DRGX: variants seen among roughly 807,000 people sequenced by gnomAD.
DRGX encodes dorsal root ganglia homeobox, also known as dorsal root ganglia homeobox protein.
DRGX carries 21 observed loss-of-function variants against 28.6 expected under a neutral mutation model. The observed-to-expected ratio is 0.73, with a 90% CI of 0.52 to 1.06. The LOEUF (loss-of-function observed/expected upper bound fraction) is 1.06, where lower values mean the gene tolerates loss of function less well. Ranked by LOEUF, DRGX falls within the 50% of genes least tolerant of loss-of-function variation. The probability of loss-of-function intolerance (pLI) is 0.00; values close to 1 mark genes in which losing one functional copy is unlikely to be tolerated. For missense variants in DRGX, 354 were observed against 343.9 expected, an observed-to-expected ratio of 1.03 and a Z score of -0.23; for synonymous variants, 136 against 139.1, an observed-to-expected ratio of 0.98 and a Z score of 0.16.
At chr10:49,390,906 G>A (rs971222470) in intron 3 of DRGX, among the ~76,000 whole-genome samples, 1 of 152,222 alleles carries the variant, frequency 6.6e-6, no homozygotes, top group Non-Finnish European at 1.5e-5. Context: ...TGACATGGAA[G>A]TGTTCCCCAA....
At chr10:49,395,365 G>T in intron 2 of DRGX, 42 bp downstream of exon 2, 2 of 1,548,670 alleles carry the variant, frequency 1.3e-6, no homozygotes, top group South Asian at 1.2e-5. Context: ...TTTCTGGCCG[G>T]CTCTGGCTTC....
intron 2 of DRGX, 45 bp downstream of exon 2, chr10:49,395,362 C>A (rs867275924): frequency 6.5e-7 from 1 of 1,547,758 alleles, no homozygotes; most frequent in South Asian, 1.2e-5. Context: ...CCCTTTCTGG[C>A]CGGCTCTGGC....
Position 49,365,996 on chromosome 10 carries a change from T to TCCATGCAGAGGCCCTGGGG in DRGX, c.*101_*119dup, listed in dbSNP as rs1183119911. 1.6e-6 allele frequency: 2 copies of TCCATGCAGAGGCCCTGGGG among 1,275,350 alleles called. No individual in the cohort carries two copies. The highest frequency in any genetic ancestry group is 2.1e-6 in the Non-Finnish European group (2 of 963,220). 79.0% of individuals were successfully genotyped at this position (1,275,350 alleles called of 1,614,324 possible). On this transcript the variant is annotated 3_prime_UTR_variant, in exon 7 of 7. Transcript: ENST00000374139. ...GTGGGTCTCACTTGCCCGTCCTGGGTCCATGCAGAGGCCCTGGGGCCGCAG... is the reference window on the plus strand; with the variant it reads ...GTGGGTCTCACTTGCCCGTCCTGGGTCCATGCAGAGGCCCTGGGGCCATGCAGAGGCCCTGGGGCCGCAG...
intron 6 of DRGX, among the ~76,000 whole-genome samples, chr10:49,379,288 A>T (rs1052779557): frequency 1.3e-5 from 2 of 152,218 alleles, no homozygotes; most frequent in Admixed American, 1.3e-4. Context: ...AACGAGGCAC[A>T]TGGAGTTAGG....
intron 6 of DRGX, among the ~76,000 whole-genome samples, chr10:49,373,753 C>A (rs529847641): frequency 1.3e-5 from 2 of 152,104 alleles, no homozygotes. Context: ...CCCGGGTTTA[C>A]GGTATTTAGT....
intron 6 of DRGX, among the ~76,000 whole-genome samples, chr10:49,367,189 C>T (rs1359794544): frequency 6.6e-6 from 1 of 151,942 alleles, no homozygotes. Flanking sequence ...GACCCTATCG[C>T]TACAAAATAA....
At chr10:49,379,177 T>C (rs1033700080) in intron 6 of DRGX, among the ~76,000 whole-genome samples, 3 of 152,192 alleles carry the variant, frequency 2.0e-5, no homozygotes, top group African/African-American at 7.2e-5. Flanking sequence ...GGAAACTAAC[T>C]GGTACAGTGT....
intron 2 of DRGX, among the ~76,000 whole-genome samples, chr10:49,393,584 A>G (rs1014165245): frequency 3.9e-5 from 6 of 152,218 alleles, no homozygotes; most frequent in Admixed American, 1.3e-4. Flanking sequence ...ACAAAAAATT[A>G]AAATAAAAAA....
intron 6 of DRGX, among the ~76,000 whole-genome samples, chr10:49,380,480 C>G (rs192697445): frequency 4.7e-4 from 71 of 152,304 alleles, no homozygotes; most frequent in Non-Finnish European, 8.1e-4. Context: ...TGTATTGGGA[C>G]AGATTTTTCT....
chr10:49,378,897 T>C (rs1849744246), intron 6 of DRGX, among the ~76,000 whole-genome samples: 1 of 152,204 alleles, frequency 6.6e-6, no homozygotes, highest in Admixed American at 6.5e-5. Flanking sequence ...ATATGCTGTA[T>C]ATCTACTATA....
chr10:49,375,269 T>G (rs1418812259), intron 6 of DRGX, among the ~76,000 whole-genome samples: 4 of 152,220 alleles, frequency 2.6e-5, no homozygotes, highest in Non-Finnish European at 5.9e-5. Context: ...TTGATGTATG[T>G]GCCTCCCAGA....
chr10:49,386,902 G>A, intron 4 of DRGX, 44 bp from the exon 5 acceptor site: 1 of 1,511,354 alleles, frequency 6.6e-7, no homozygotes, highest in Non-Finnish European at 8.8e-7. Context: ...AATCAAACAG[G>A]AGGAAGAAGC....
intron 2 of DRGX, among the ~76,000 whole-genome samples, chr10:49,392,465 T>C (rs1262543566): frequency 2.0e-5 from 3 of 152,254 alleles, no homozygotes; most frequent in Non-Finnish European, 4.4e-5. Flanking sequence ...CAGGTATTTC[T>C]CTCCAGCTCA....
At chr10:49,394,242 T>C (rs776668317) in intron 2 of DRGX, among the ~76,000 whole-genome samples, 3 of 152,304 alleles carry the variant, frequency 2.0e-5, no homozygotes, top group Admixed American at 2.0e-4. Flanking sequence ...TAGCCTCCTT[T>C]AGAAAATCCT....
chr10:49,386,035 AAAT>A (rs1260395663), intron 6 of DRGX, among the ~76,000 whole-genome samples: 1 of 152,088 alleles, frequency 6.6e-6, no homozygotes, highest in East Asian at 1.9e-4. Context: ...GGAAAACCAC[AAAT>A]CCTAACGGCT....
chr10:49,382,776 C>T (rs918681389), intron 6 of DRGX, among the ~76,000 whole-genome samples: 9 of 152,186 alleles, frequency 5.9e-5, no homozygotes, highest in African/African-American at 2.2e-4. Flanking sequence ...GAATGCTTTG[C>T]CTATGCCATT....
chr10:49,387,957 C>A (rs558355906), intron 4 of DRGX, among the ~76,000 whole-genome samples: 1 of 152,142 alleles, frequency 6.6e-6, no homozygotes, highest in Non-Finnish European at 1.5e-5. Context: ...TGTGGCCACC[C>A]CATAAGCCTT....
chr10:49,388,606 G>T (rs748468085), intron 4 of DRGX, among the ~76,000 whole-genome samples: 22 of 152,206 alleles, frequency 1.4e-4, no homozygotes, highest in Admixed American at 3.3e-4. Flanking sequence ...TTGAATGAAG[G>T]TCACAGCTAT....
intron 2 of DRGX, among the ~76,000 whole-genome samples, chr10:49,392,383 C>T (rs1238346273): frequency 2.6e-5 from 4 of 152,196 alleles, no homozygotes; most frequent in Admixed American, 2.0e-4. Flanking sequence ...TGCCAAACAC[C>T]CTGACTCTCT....
Sources: allele counts gnomAD v4.1 joint callset (sites outside exome capture counted in the v4.1 genomes callset), GRCh38; gene constraint gnomAD v4.1.1; transcripts MANE v1.5; gene names NCBI Gene and HGNC (gene_info 2026-07-23, HGNC 2026-07-21).